Variants in MYSM1 observed in about 807,000 individuals in gnomAD.
The protein encoded by MYSM1 is Myb like, SWIRM and MPN domains 1.
In MYSM1, 51 loss-of-function variants were observed where a neutral mutation model predicts 116.0. The observed-to-expected ratio is 0.44, with a 90% confidence interval of 0.35 to 0.56. The LOEUF is 0.56. Ranked by LOEUF, MYSM1 falls within the 20% of genes least tolerant of loss-of-function variation. The pLI is 0.00. For missense variants in MYSM1, 900 were observed against 974.9 expected, an observed-to-expected ratio of 0.92 and a Z score of 1.02; for synonymous variants, 313 against 315.2, an observed-to-expected ratio of 0.99 and a Z score of 0.07.
chr1:58,695,325 C>A, intron 1 of MYSM1, 118 bp from the exon 2 acceptor site: 1 of 578,702 alleles, frequency 1.7e-6, no homozygotes, highest in Non-Finnish European at 3.1e-6. Context: ...TAGTTCCCTT[C>A]TCCCCTTAAC....
rs1486028048 is a variant in MYSM1, at chr1:58,658,232, G to A, written c.*1765C>T. 2.6e-5 allele frequency: 4 copies of A among 151,966 alleles called. No individual in the cohort carries two copies. Among genetic ancestry groups the A allele is most frequent in the Non-Finnish European group, 5.9e-5 (4 of 67,996 alleles). 9.4% of individuals were successfully genotyped at this position (151,966 alleles called of 1,614,324 possible). On this transcript the variant is annotated 3_prime_UTR_variant, in exon 20 of 20. Transcript: ENST00000472487. ...AAGAGCTCAGGTTTCCTGACTTTTG[G>A]TATAGTTCCTCTTACACTCTCAGCC...
Position 58,682,454 on chromosome 1 carries a change from G to T in MYSM1, c.590C>A (p.Thr197Lys). Reference sequence around the variant, plus strand: ...AGCACGTCCCCTTAAACATGATGGTGTCCATGCCTTTGTCCCTTTATCTTC... The same window carrying T: ...AGCACGTCCCCTTAAACATGATGGTTTCCATGCCTTTGTCCCTTTATCTTC... ...KNEDKGTKAW[T>K]PSCLRGRADP... The change falls in exon 8 of 20, where the codon ACA (threonine) becomes AAA (lysine). Residue 197 changes from threonine (T) to lysine (K), a missense_variant. Around this residue, in one of 3 missense-constraint regions of MYSM1, gnomAD observed 622 missense variants for 623.7 expected, o/e 1.00. Transcript: ENST00000472487. 6.2e-7 allele frequency: 1 copy of T among 1,614,072 alleles called. No individual in the cohort carries two copies. The highest frequency in any genetic ancestry group is 8.5e-7 in the Non-Finnish European group (1 of 1,180,022).
intron 6 of MYSM1, among the ~76,000 whole-genome samples, chr1:58,685,813 T>C (rs1557521571): frequency 6.6e-6 from 1 of 152,240 alleles, no homozygotes. Flanking sequence ...TTTGTTAAGA[T>C]GTTATAAGCC....
rs144069936 is a variant in MYSM1, at chr1:58,671,792, A to T, written c.1661+78T>A. On this transcript the variant is annotated intron_variant, in intron 12 of 19. Transcript: ENST00000472487. ...AAACTTAATGTGAACAATATAATGC[A>T]GCTATTGAATATTTTTTCATATATT... 192 of 1,030,182 alleles carry T rather than the reference A, an allele frequency of 1.9e-4. No individual in the cohort carries two copies. In the African/African-American group the frequency reaches 2.2e-3, roughly 12 times the overall value. The allele number at this position is 1,030,182 out of a possible 1,614,324, so 63.8% of individuals were successfully genotyped here.
At chr1:58,675,172 T>C (rs749659276) in intron 10 of MYSM1, among the ~76,000 whole-genome samples, 5 of 152,046 alleles carry the variant, frequency 3.3e-5, no homozygotes, top group Non-Finnish European at 7.4e-5. Flanking sequence ...GAACTATATA[T>C]TTTTAAAAGA....
rs555397900 is a variant in MYSM1 at position 58,666,911 on chromosome 1, C to T, written c.2031+127G>A. The T allele has an allele frequency of 9.1e-4, 389 of 426,056 alleles. 1 individual carries two copies. The highest frequency in any genetic ancestry group is 6.3e-3 in the African/African-American group (304 of 48,564). The allele number at this position is 426,056 out of a possible 1,614,324, so 26.4% of individuals were successfully genotyped here. ...AATAATAAAAATAAATAAAAATAAA[C>T]AAACAAAATCCCCAGTATAAAGAAT... On this transcript the variant is annotated intron_variant, in intron 16 of 19. Transcript: ENST00000472487.
intron 7 of MYSM1, among the ~76,000 whole-genome samples, chr1:58,684,247 T>A (rs1471869373): frequency 6.6e-6 from 1 of 152,158 alleles, no homozygotes; most frequent in African/African-American, 2.4e-5. Flanking sequence ...TATAATTATG[T>A]TCCTAGGCTT....
At chr1:58,686,795 G>C (rs147347459) in intron 6 of MYSM1, among the ~76,000 whole-genome samples, 1 of 151,994 alleles carries the variant, frequency 6.6e-6, no homozygotes, top group Non-Finnish European at 1.5e-5. Flanking sequence ...TAGTAGAAGA[G>C]TAGGGACTTG....
chr1:58,661,702 T>G (rs1412495550), intron 17 of MYSM1, among the ~76,000 whole-genome samples, 191 bp from the exon 18 acceptor site: 1 of 152,118 alleles, frequency 6.6e-6, no homozygotes, highest in Non-Finnish European at 1.5e-5. Context: ...CTAAGCATAT[T>G]AATGCCAAGC....
In MYSM1 at chr1:58,658,794, G is replaced by C. The variant is rs1461810936; in HGVS notation, c.*1203C>G. On this transcript the variant is annotated 3_prime_UTR_variant, in exon 20 of 20. Transcript: ENST00000472487. Reference sequence around the variant, plus strand: ...TGGCTTAAATGCAGATCATAATTCTGAGTTTTGGTGTCATTTGAAGATGAC... The same window carrying C: ...TGGCTTAAATGCAGATCATAATTCTCAGTTTTGGTGTCATTTGAAGATGAC... 2 of 152,018 alleles carry C rather than the reference G, an allele frequency of 1.3e-5. No homozygotes were observed. The highest frequency in any genetic ancestry group is 4.8e-5 in the African/African-American group (2 of 41,390). 9.4% of individuals were successfully genotyped at this position (152,018 alleles called of 1,614,324 possible). A position where few individuals can be genotyped will look rare whatever the true frequency, so the allele number is the denominator to read the frequency against.
At position 58,661,637 on chromosome 1, in the gene MYSM1, C is replaced by T. The variant is rs1644393629; in HGVS notation, c.2165-126G>A. On this transcript the variant is annotated intron_variant, in intron 17 of 19. Coordinates refer to ENST00000472487, the MANE Select transcript of MYSM1 (RefSeq NM_001085487.3). ...AGCTTTGCAGATCAGCTGAACAGCACTTTAAACATAGTGGGCATTCATTAA... is the reference window on the plus strand; with the variant it reads ...AGCTTTGCAGATCAGCTGAACAGCATTTTAAACATAGTGGGCATTCATTAA... 7 of 566,522 alleles carry T rather than the reference C, an allele frequency of 1.2e-5. No individual in the cohort carries two copies. In the South Asian group the frequency reaches 1.8e-4, roughly 14 times the overall value. 35.1% of individuals were successfully genotyped at this position (566,522 alleles called of 1,614,324 possible). A position where few individuals can be genotyped will look rare whatever the true frequency, so the allele number is the denominator to read the frequency against.
chr1:58,668,805 G>A, intron 13 of MYSM1, 123 bp from the exon 14 acceptor site: 1 of 1,019,468 alleles, frequency 9.8e-7, no homozygotes, highest in Non-Finnish European at 1.5e-6. Flanking sequence ...ACTAACCAAA[G>A]CTCAGCACAA....
At position 58,657,299 on chromosome 1, in the gene MYSM1, G is replaced by A. The variant is rs1016722978; in HGVS notation, c.*2698C>T. 1 of 151,892 alleles carries A rather than the reference G, an allele frequency of 6.6e-6. No individual in the cohort carries two copies. Among genetic ancestry groups the A allele is most frequent in the South Asian group, 2.1e-4 (1 of 4,820 alleles). 9.4% of individuals were successfully genotyped at this position (151,892 alleles called of 1,614,324 possible). On this transcript the variant is annotated 3_prime_UTR_variant, in exon 20 of 20. Coordinates refer to ENST00000472487, the MANE Select transcript of MYSM1 (RefSeq NM_001085487.3). ...TTGTGCAATAACAAAGACAGAATCA[G>A]GATGAAGACACCTGCATGTCTTTAA...
At chr1:58,673,010 T>G (rs994892749) in intron 11 of MYSM1, among the ~76,000 whole-genome samples, 2 of 152,168 alleles carry the variant, frequency 1.3e-5, no homozygotes, top group African/African-American at 4.8e-5. Context: ...TACTAGCATC[T>G]TTATATAGTC....
Position 58,659,288 on chromosome 1 carries a change from A to AGG in MYSM1, c.*708_*709insCC, listed in dbSNP as rs1644360244. On this transcript the variant is annotated 3_prime_UTR_variant, in exon 20 of 20. Coordinates refer to ENST00000472487, the MANE Select transcript of MYSM1 (RefSeq NM_001085487.3). ...GAGGTTTTATCACACCTACTAATGT[A>AGG]AGTGGACTCACAATTGAAGCTAATT... The AGG allele has an allele frequency of 6.6e-6, 1 of 152,214 alleles. No individual in the cohort carries two copies. The highest frequency in any genetic ancestry group is 2.1e-4 in the South Asian group (1 of 4,834). 9.4% of individuals were successfully genotyped at this position (152,214 alleles called of 1,614,324 possible). A position where few individuals can be genotyped will look rare whatever the true frequency, so the allele number is the denominator to read the frequency against.
chr1:58,687,131 T>TA (rs1219041636), intron 6 of MYSM1, among the ~76,000 whole-genome samples: 2 of 152,162 alleles, frequency 1.3e-5, no homozygotes, highest in African/African-American at 4.8e-5. Flanking sequence ...ATTCAGTCTG[T>TA]AAGCAAACTT....
chr1:58,697,047 G>T (rs978878359), intron 1 of MYSM1, among the ~76,000 whole-genome samples: 18 of 152,140 alleles, frequency 1.2e-4, no homozygotes, highest in Admixed American at 1.1e-3. Flanking sequence ...CTAGAGAAAG[G>T]TGACAATAAC....
Position 58,675,380 on chromosome 1 carries a change from A to G in MYSM1, c.1494+97T>C. 7.6e-6 allele frequency: 6 copies of G among 786,192 alleles called. No homozygotes were observed. In the Admixed American group the frequency reaches 1.4e-4, roughly 19 times the overall value. The allele number at this position is 786,192 out of a possible 1,614,324, so 48.7% of individuals were successfully genotyped here. ...AAGAGGAAACATGTTTTTCTACTAA[A>G]TGGTCATTTATTAAACAGCTCAAGG... On this transcript the variant is annotated intron_variant, in intron 10 of 19. Transcript: ENST00000472487.
chr1:58,692,759 GT>G (rs529012130), intron 3 of MYSM1, 101 bp downstream of exon 3: 57 of 758,270 alleles, frequency 7.5e-5, no homozygotes, highest in Middle Eastern at 7.5e-4. Flanking sequence ...GTCTGGTGCT[GT>G]ATAAAATCCA....
Sources: allele counts gnomAD v4.1 joint callset (sites outside exome capture counted in the v4.1 genomes callset), GRCh38; gene constraint gnomAD v4.1.1; regional missense constraint gnomAD v4.1.1; transcripts MANE v1.5; gene names NCBI Gene and HGNC (gene_info 2026-07-23, HGNC 2026-07-21).